Variants in PRKN observed in about 807,000 individuals in gnomAD.
PRKN encodes E3 ubiquitin-protein ligase parkin.
Under a neutral mutation model 59.5 loss-of-function variants are expected in PRKN, and 56 were observed. The observed-to-expected ratio is 0.94, with a 90% CI of 0.76 to 1.18. PRKN has a LOEUF of 1.18. PRKN is among the 50% of genes most tolerant of loss of function. The probability of loss-of-function intolerance (pLI) is 0.00; values close to 1 mark genes in which losing one functional copy is unlikely to be tolerated. For missense variants in PRKN, 657 were observed against 596.4 expected (o/e 1.10, Z -1.06); for synonymous variants, 250 against 222.1 (o/e 1.13, Z -1.12).
At chr6:162,352,534 T>C (rs1784666277) in intron 2 of PRKN, among the ~76,000 whole-genome samples, 2 of 152,152 alleles carry the variant, frequency 1.3e-5, no homozygotes, top group African/African-American at 4.8e-5. Context: ...GGGGCCATCT[T>C]GATTATGAAA....
chr6:162,592,055 A>G (rs1216598381), intron 1 of PRKN, among the ~76,000 whole-genome samples: 2 of 152,166 alleles, frequency 1.3e-5, no homozygotes, highest in East Asian at 3.9e-4. Flanking sequence ...GCTAGAGTGC[A>G]ATGGCACCAT....
intron 1 of PRKN, among the ~76,000 whole-genome samples, chr6:162,648,115 C>T (rs529052442): frequency 1.7e-4 from 26 of 151,948 alleles, no homozygotes; most frequent in African/African-American, 5.1e-4. Flanking sequence ...AAAAGACGAG[C>T]GATGTAAAAT....
chr6:162,323,331 T>C (rs1783114180), intron 2 of PRKN, among the ~76,000 whole-genome samples: 1 of 151,966 alleles, frequency 6.6e-6, no homozygotes, highest in Non-Finnish European at 1.5e-5. Flanking sequence ...AAAATCTTTA[T>C]AATCTTTGCT....
chr6:162,035,704 G>A (rs140231583), intron 5 of PRKN, among the ~76,000 whole-genome samples: 8 of 152,152 alleles, frequency 5.3e-5, no homozygotes, highest in African/African-American at 1.9e-4. Flanking sequence ...CAGTTTTCAG[G>A]GCAGAATGAG....
At chr6:162,096,755 A>T (rs893098258) in intron 4 of PRKN, among the ~76,000 whole-genome samples, 1 of 145,692 alleles carries the variant, frequency 6.9e-6, no homozygotes, top group African/African-American at 2.5e-5. Context: ...GCCATGCAGA[A>T]CTATGAGTCC....
At chr6:162,423,921 CATTT>C (rs1409289196) in intron 2 of PRKN, among the ~76,000 whole-genome samples, 1 of 152,092 alleles carries the variant, frequency 6.6e-6, no homozygotes, top group African/African-American at 2.4e-5. Flanking sequence ...TTGAACTGAA[CATTT>C]ATTTCCACAC....
chr6:162,178,686 C>G (rs1783648499), intron 4 of PRKN, among the ~76,000 whole-genome samples: 1 of 152,152 alleles, frequency 6.6e-6, no homozygotes, highest in East Asian at 1.9e-4. Flanking sequence ...CTGCAATGGT[C>G]AGCTTTATGA....
chr6:162,434,295 C>T (rs1789673471), intron 2 of PRKN, among the ~76,000 whole-genome samples: 1 of 152,166 alleles, frequency 6.6e-6, no homozygotes. Flanking sequence ...CCCAACAATT[C>T]AGTAAATACT....
At chr6:161,513,959 T>G (rs1273304920) in intron 9 of PRKN, among the ~76,000 whole-genome samples, 1 of 152,112 alleles carries the variant, frequency 6.6e-6, no homozygotes, top group East Asian at 1.9e-4. Flanking sequence ...TGCCAGCATT[T>G]TGGGAATCAT....
At chr6:161,962,878 C>T (rs1780435625) in intron 6 of PRKN, among the ~76,000 whole-genome samples, 1 of 151,506 alleles carries the variant, frequency 6.6e-6, no homozygotes, top group Non-Finnish European at 1.5e-5. Flanking sequence ...GGCATGGTGG[C>T]TCACACCTGT....
chr6:162,615,058 G>A (rs1782346567), intron 1 of PRKN, among the ~76,000 whole-genome samples: 1 of 152,128 alleles, frequency 6.6e-6, no homozygotes. Context: ...GTCTTAATGA[G>A]AGGATTAAAA....
intron 6 of PRKN, among the ~76,000 whole-genome samples, chr6:161,923,332 A>C (rs1778850236): frequency 6.6e-6 from 1 of 152,056 alleles, no homozygotes; most frequent in South Asian, 2.1e-4. Context: ...AAAATACAAA[A>C]ATTAACTGGG....
intron 6 of PRKN, among the ~76,000 whole-genome samples, chr6:161,835,617 C>T (rs1792718454): frequency 6.6e-6 from 1 of 152,232 alleles, no homozygotes; most frequent in Non-Finnish European, 1.5e-5. Context: ...GTTTCCACGC[C>T]GGGGATAGGC....
intron 1 of PRKN, among the ~76,000 whole-genome samples, chr6:162,645,621 A>G (rs1583972782): frequency 6.6e-6 from 1 of 152,326 alleles, no homozygotes; most frequent in South Asian, 2.1e-4. Context: ...AAGAAAAAAA[A>G]AGTGCTTTTT....
intron 7 of PRKN, among the ~76,000 whole-genome samples, chr6:161,737,408 A>T (rs1788009282): frequency 6.6e-6 from 1 of 152,188 alleles, no homozygotes; most frequent in African/African-American, 2.4e-5. Context: ...GAGAGGGGAG[A>T]ACAATCTGAA....
chr6:161,996,153 T>A (rs1039944534), intron 5 of PRKN, among the ~76,000 whole-genome samples: 2 of 146,442 alleles, frequency 1.4e-5, no homozygotes, highest in African/African-American at 2.5e-5. Context: ...AACAGATAAA[T>A]GGATAAAGAA....
chr6:161,510,444 C>T (rs552217890), intron 9 of PRKN, among the ~76,000 whole-genome samples: 49 of 152,200 alleles, frequency 3.2e-4, no homozygotes, highest in South Asian at 8.3e-4. Flanking sequence ...CCCTGAGATC[C>T]CCACATCAAG....
chr6:161,534,560 C>T (rs1243157353), intron 9 of PRKN, among the ~76,000 whole-genome samples: 4 of 152,202 alleles, frequency 2.6e-5, no homozygotes, highest in South Asian at 2.1e-4. Flanking sequence ...AAACTGGGTA[C>T]GAAGGCCCTT....
chr6:161,875,182 T>G (rs1794687575), intron 6 of PRKN, among the ~76,000 whole-genome samples: 2 of 140,918 alleles, frequency 1.4e-5, no homozygotes, highest in South Asian at 4.4e-4. Flanking sequence ...AAAATATATG[T>G]GTGTGTGTAT....
Sources: gnomAD v4.1 joint callset for allele counts (sites outside exome capture counted in the v4.1 genomes callset) on GRCh38, gnomAD v4.1.1 for gene constraint, MANE v1.5 for transcripts, NCBI Gene and HGNC (gene_info 2026-07-23, HGNC 2026-07-21) for gene names.